Variants in CDIN1 observed in about 807,000 individuals in gnomAD.
CDIN1 encodes CDAN1 interacting nuclease 1.
CDIN1 carries 33 observed loss-of-function variants against 45.3 expected under a neutral mutation model. That is an observed-to-expected ratio of 0.73 (90% confidence interval 0.55 to 0.97). CDIN1 has a LOEUF of 0.97. Among genes scored for constraint, CDIN1 ranks in the 50% least tolerant of loss-of-function variants. The probability of loss-of-function intolerance (pLI) is 0.00; values close to 1 mark genes in which losing one functional copy is unlikely to be tolerated. For synonymous variants in CDIN1, 118 were observed against 124.4 expected, an observed-to-expected ratio of 0.95 and a Z score of 0.34; for missense variants, 303 against 339.4, an observed-to-expected ratio of 0.89 and a Z score of 0.84.
At chr15:36,593,738 G>T (rs2037691246) in intron 1 of CDIN1, among the ~76,000 whole-genome samples, 2 of 151,978 alleles carry the variant, frequency 1.3e-5, no homozygotes, top group Admixed American at 1.3e-4. Flanking sequence ...TAATTTTTTT[G>T]TATTTTTGGT....
chr15:36,665,655 C>T (rs1209653501), intron 5 of CDIN1, among the ~76,000 whole-genome samples: 1 of 147,432 alleles, frequency 6.8e-6, no homozygotes, highest in Non-Finnish European at 1.5e-5. Context: ...GATTGATGAC[C>T]TATGTTGCTT....
At position 36,579,753 on chromosome 15, in the gene CDIN1, AC is replaced by A; in HGVS notation, c.-105del. 1 of 834,754 alleles carries A rather than the reference AC, an allele frequency of 1.2e-6. No individual in the cohort carries two copies. The highest frequency in any genetic ancestry group is 1.9e-6 in the Non-Finnish European group (1 of 531,632). 51.7% of individuals were successfully genotyped at this position (834,754 alleles called of 1,614,324 possible). A position where few individuals can be genotyped will look rare whatever the true frequency, so the allele number is the denominator to read the frequency against. Reference sequence around the variant, plus strand: ...ATTGGGGCAAGCCAAGCAGGCGAGGACCCGGGCCTGTGCCGCTTTGCCTACC... The same window carrying A: ...ATTGGGGCAAGCCAAGCAGGCGAGGACCGGGCCTGTGCCGCTTTGCCTACC... On this transcript the variant is annotated 5_prime_UTR_variant, in exon 1 of 11. Transcript: ENST00000566621.
intron 10 of CDIN1, chr15:36,798,618 T>G (rs1257564592): frequency 6.6e-6 from 1 of 152,234 alleles, no homozygotes; most frequent in African/African-American, 2.4e-5. Flanking sequence ...AATTTTTTAT[T>G]TTAAGCAGAC....
intron 10 of CDIN1, among the ~76,000 whole-genome samples, chr15:36,731,099 T>C (rs2043817407): frequency 6.6e-6 from 1 of 152,078 alleles, no homozygotes. Flanking sequence ...GCTGCAGAAT[T>C]TGTAAACTGC....
intron 10 of CDIN1, among the ~76,000 whole-genome samples, chr15:36,712,983 C>T (rs1027803749): frequency 2.6e-5 from 4 of 152,114 alleles, no homozygotes; most frequent in African/African-American, 7.2e-5. Flanking sequence ...AATCCTATTT[C>T]GCTAATCAAA....
chr15:36,794,733 CTCTTTT>C (rs1291224279), intron 10 of CDIN1, among the ~76,000 whole-genome samples: 1 of 152,130 alleles, frequency 6.6e-6, no homozygotes, highest in Admixed American at 6.5e-5. Context: ...TTTGTTCTTT[CTCTTTT>C]TAAAAAGCAA....
chr15:36,641,653 G>C (rs2040112476), intron 1 of CDIN1: 1 of 152,216 alleles, frequency 6.6e-6, no homozygotes. Flanking sequence ...AAAGTGTAAA[G>C]ATTCAGGGTA....
At chr15:36,794,059 C>A (rs1395561157) in intron 10 of CDIN1, among the ~76,000 whole-genome samples, 3 of 48,694 alleles carry the variant, frequency 6.2e-5, no homozygotes, top group Non-Finnish European at 2.0e-4. Flanking sequence ...GCCATCATAA[C>A]TATTTTTTTT....
chr15:36,650,995 G>A (rs1269575023), intron 3 of CDIN1, among the ~76,000 whole-genome samples: 2 of 151,716 alleles, frequency 1.3e-5, no homozygotes, highest in South Asian at 4.2e-4. Flanking sequence ...CCCAGGAGGC[G>A]AAGGTTGCAG....
intron 5 of CDIN1, among the ~76,000 whole-genome samples, chr15:36,663,638 G>A (rs568865169): frequency 1.1e-4 from 17 of 152,074 alleles, no homozygotes; most frequent in Non-Finnish European, 2.4e-4. Flanking sequence ...CACCATCATC[G>A]TGCTGAACTG....
intron 8 of CDIN1, among the ~76,000 whole-genome samples, chr15:36,700,376 C>T (rs1385616736): frequency 6.6e-6 from 1 of 152,062 alleles, no homozygotes; most frequent in African/African-American, 2.4e-5. Flanking sequence ...AGTAGGTGCT[C>T]ACATGATTGT....
intron 5 of CDIN1, among the ~76,000 whole-genome samples, chr15:36,665,012 A>G (rs190852957): frequency 2.6e-4 from 39 of 152,290 alleles, no homozygotes; most frequent in African/African-American, 8.4e-4. Flanking sequence ...CCACTGTATC[A>G]TATTTTATCC....
chr15:36,593,618 C>T (rs2037684796), intron 1 of CDIN1, among the ~76,000 whole-genome samples: 1 of 152,148 alleles, frequency 6.6e-6, no homozygotes, highest in Non-Finnish European at 1.5e-5. Context: ...GGCTGGAGTG[C>T]AGTGGCGTGA....
intron 10 of CDIN1, among the ~76,000 whole-genome samples, chr15:36,741,988 C>A (rs1210961426): frequency 2.0e-5 from 3 of 152,070 alleles, no homozygotes; most frequent in African/African-American, 7.2e-5. Context: ...TATTTAAATA[C>A]TTAAAAATCA....
chr15:36,733,532 G>T (rs916197947), intron 10 of CDIN1, among the ~76,000 whole-genome samples: 11 of 151,890 alleles, frequency 7.2e-5, no homozygotes, highest in African/African-American at 2.4e-4. Flanking sequence ...TGTGAATCGT[G>T]TACATACATT....
intron 10 of CDIN1, among the ~76,000 whole-genome samples, chr15:36,713,293 A>G (rs2043118452): frequency 6.6e-6 from 1 of 152,182 alleles, no homozygotes. Context: ...TGGAAATTGC[A>G]ACTGCAAGTT....
At chr15:36,605,511 G>A (rs1454754808) in intron 1 of CDIN1, among the ~76,000 whole-genome samples, 1 of 152,164 alleles carries the variant, frequency 6.6e-6, no homozygotes, top group African/African-American at 2.4e-5. Flanking sequence ...GCGTTAGCTG[G>A]AATTGTCTAT....
chr15:36,637,761 A>G (rs1485514599), intron 1 of CDIN1, among the ~76,000 whole-genome samples: 2 of 152,230 alleles, frequency 1.3e-5, no homozygotes, highest in African/African-American at 4.8e-5. Context: ...AATTAACTAC[A>G]CTTAAATTAA....
At chr15:36,725,093 C>T (rs766508416) in intron 10 of CDIN1, among the ~76,000 whole-genome samples, 5 of 152,064 alleles carry the variant, frequency 3.3e-5, no homozygotes, top group African/African-American at 9.7e-5. Flanking sequence ...GGCTTGTTGA[C>T]GTATTTTGAC....
Sources: allele counts gnomAD v4.1 joint callset (sites outside exome capture counted in the v4.1 genomes callset), GRCh38; gene constraint gnomAD v4.1.1; transcripts MANE v1.5; gene names NCBI Gene and HGNC (gene_info 2026-07-23, HGNC 2026-07-21).